The following AIPL1 variants were observed in gnomAD, a reference collection of about 807,000 sequenced individuals.
AIPL1 encodes the protein aryl-hydrocarbon-interacting protein-like 1.
A neutral mutation model predicts 32.9 loss-of-function variants in AIPL1; 23 were observed. The observed-to-expected ratio is 0.70, with a 90% CI of 0.50 to 0.99. AIPL1 has a LOEUF of 0.99. AIPL1 is among the 50% of genes least tolerant of loss of function. The probability of loss-of-function intolerance (pLI) is 0.00; values close to 1 mark genes in which losing one functional copy is unlikely to be tolerated. For missense variants in AIPL1, 485 were observed against 506.0 expected, an observed-to-expected ratio of 0.96 and a Z score of 0.40; for synonymous variants, 210 against 209.4, an observed-to-expected ratio of 1.00 and a Z score of -0.02.
chr17:6,427,702 A>G (rs1157453706), intron 3 of AIPL1, among the ~76,000 whole-genome samples: 2 of 152,242 alleles, frequency 1.3e-5, no homozygotes, highest in South Asian at 2.1e-4. Flanking sequence ...AACCACAGGA[A>G]CCAAGGAGGC....
intron 2 of AIPL1, among the ~76,000 whole-genome samples, chr17:6,430,456 CAA>C (rs1169701817): frequency 6.7e-5 from 3 of 44,514 alleles, no homozygotes; most frequent in African/African-American, 1.8e-4. Flanking sequence ...AAGTCCGTCT[CAA>C]AAAAAAAAAA....
intron 2 of AIPL1, among the ~76,000 whole-genome samples, chr17:6,433,028 C>T (rs890804306): frequency 6.6e-6 from 1 of 152,104 alleles, no homozygotes; most frequent in Non-Finnish European, 1.5e-5. Flanking sequence ...CAAGACCAGC[C>T]GCGGGTTGAT....
At chr17:6,427,161 C>T (rs1197987197) in intron 3 of AIPL1, 104 bp from the exon 4 acceptor site, 7 of 1,313,990 alleles carry the variant, frequency 5.3e-6, no homozygotes, top group Non-Finnish European at 6.5e-6. Flanking sequence ...TGAAGTCATG[C>T]TTGCTGGTCA....
intron 2 of AIPL1, among the ~76,000 whole-genome samples, chr17:6,430,139 T>G (rs1912448934): frequency 6.6e-6 from 1 of 151,392 alleles, no homozygotes; most frequent in Non-Finnish European, 1.5e-5. Context: ...TGAGGAGATG[T>G]GCGGGGCATG....
intron 5 of AIPL1, 31 bp downstream of exon 5, chr17:6,426,584 C>T (rs371689847): frequency 3.1e-6 from 5 of 1,609,026 alleles, no homozygotes; most frequent in Admixed American, 1.7e-5. Flanking sequence ...CTGGGCGCCC[C>T]CTCACTGTCC....
intron 2 of AIPL1, among the ~76,000 whole-genome samples, chr17:6,430,044 GGTGTGTGTGTGT>G (rs34593943): frequency 0.23 from 33,729 of 144,816 alleles, 4,600 homozygotes; most frequent in Admixed American, 0.32. Flanking sequence ...CTCTAGAAGG[GGTGTGTGTGTGT>G]GTGTGTGTGT....
chr17:6,430,110 C>T (rs561290420), intron 2 of AIPL1, among the ~76,000 whole-genome samples: 7 of 150,874 alleles, frequency 4.6e-5, no homozygotes, highest in East Asian at 2.0e-4. Context: ...CACACAATCA[C>T]GGCAGCCATG....
In AIPL1 at chr17:6,434,360, T is replaced by C. The variant is rs574176098; in HGVS notation, c.97-262A>G. Among the ~76,000 whole-genome samples the C allele has an allele frequency of 5.4e-4, 78 of 145,414 alleles. 1 individual carries two copies. The East Asian group carries it at 0.012, about 23-fold the overall frequency. The stretch of plus-strand genomic sequence containing the variant: ...TTCCTCAAGTAAGCCCGAGTTCTTT[T>C]TTTTTTTTTTTTTTCTGAGACAGAG... On this transcript the variant is annotated intron_variant, in intron 1 of 5. Coordinates refer to ENST00000381129, the MANE Select transcript of AIPL1 (RefSeq NM_014336.5).
intron 2 of AIPL1, among the ~76,000 whole-genome samples, chr17:6,430,075 GT>G: frequency 6.6e-6 from 1 of 151,158 alleles, no homozygotes; most frequent in Admixed American, 6.6e-5. Context: ...GTGTGTGTGT[GT>G]GTGTGTGTGT....
Position 6,425,475 on chromosome 17 carries a change from G to C in AIPL1, c.1140C>G (p.His380Gln). 1 of 1,600,146 alleles carries C rather than the reference G, an allele frequency of 6.2e-7. No homozygotes were observed. Among genetic ancestry groups the C allele is most frequent in the South Asian group, 1.1e-5 (1 of 90,854 alleles). Residue 380 changes from histidine to glutamine, a missense_variant, in exon 6 of 6, where the codon CAC (histidine) becomes CAG (glutamine). His to Gln is a conservative substitution (Grantham distance 24). Coordinates refer to ENST00000381129, the MANE Select transcript of AIPL1 (RefSeq NM_014336.5). Reference protein sequence around the residue: ...PATEPPPSPGHSLQH With the variant: ...PATEPPPSPGQSLQH ...CTCAGGGGGCTCAGTGCTGCAGCGA[G>C]TGCCCTGGGGACGGGGGTGGCTCTG...
chr17:6,425,901 A>C (rs1911901981), intron 5 of AIPL1, 71 bp from the exon 6 acceptor site: 1 of 1,549,052 alleles, frequency 6.5e-7, no homozygotes, highest in African/African-American at 1.4e-5. Context: ...CCCAGCTGGG[A>C]CTCACCAGCC....
At chr17:6,426,832 G>T (rs375100065) in intron 4 of AIPL1, 49 bp downstream of exon 4, 1 of 1,612,732 alleles carries the variant, frequency 6.2e-7, no homozygotes, top group East Asian at 2.2e-5. Flanking sequence ...CACTGGGCAG[G>T]CCCCCCAGAG....
rs751560802 is a variant in AIPL1 at position 6,434,975 on chromosome 17, G to C, written c.96+34C>G. 4 of 1,613,866 alleles carry C rather than the reference G, an allele frequency of 2.5e-6. No individual in the cohort carries two copies. In the East Asian group the frequency reaches 8.9e-5, roughly 36 times the overall value. ...CCTGGAATGTTGAAAGCTGCTGTGG[G>C]GGACCCTGTCTGCTCCGGAGGGGCC... On this transcript the variant is annotated intron_variant, in intron 1 of 5. Transcript: ENST00000381129.
intron 5 of AIPL1, chr17:6,426,264 C>G: frequency 7.7e-7 from 1 of 1,305,852 alleles, no homozygotes; most frequent in Non-Finnish European, 9.8e-7. Flanking sequence ...CTAGTACTGA[C>G]GGTGCCATAT....
intron 2 of AIPL1, among the ~76,000 whole-genome samples, chr17:6,429,462 G>A (rs1912333378): frequency 6.6e-6 from 1 of 152,228 alleles, no homozygotes; most frequent in Non-Finnish European, 1.5e-5. Flanking sequence ...GAAGAGACAA[G>A]CAGATGGCTG....
intron 2 of AIPL1, among the ~76,000 whole-genome samples, chr17:6,430,886 C>T (rs1912536856): frequency 1.3e-5 from 2 of 152,104 alleles, no homozygotes; most frequent in African/African-American, 4.8e-5. Flanking sequence ...TGAAGAAAAA[C>T]ACAGGGACTG....
chr17:6,434,902 C>CT (rs747570443), intron 1 of AIPL1, 107 bp downstream of exon 1: 12 of 1,565,440 alleles, frequency 7.7e-6, no homozygotes, highest in East Asian at 2.3e-5. Context: ...GGCTGCCTGG[C>CT]TGTTTTTTTG....
chr17:6,433,831 C>A, intron 2 of AIPL1, 88 bp downstream of exon 2: 1 of 1,514,440 alleles, frequency 6.6e-7, no homozygotes, highest in Non-Finnish European at 9.0e-7. Context: ...TGAGTCCCAG[C>A]TTTCCCGAAA....
chr17:6,434,482 CTGAG>C (rs1455564583), intron 1 of AIPL1, among the ~76,000 whole-genome samples: 1 of 151,686 alleles, frequency 6.6e-6, no homozygotes, highest in Non-Finnish European at 1.5e-5. Context: ...CCTCAGTCTC[CTGAG>C]TATCTGAACT....
Sources: gnomAD v4.1 joint callset for allele counts (sites outside exome capture counted in the v4.1 genomes callset) on GRCh38, gnomAD v4.1.1 for gene constraint, MANE v1.5 for transcripts, NCBI Gene and HGNC (gene_info 2026-07-23, HGNC 2026-07-21) for gene names.